Variants in DPF3 observed in about 807,000 individuals in gnomAD.
The protein encoded by DPF3 is zinc finger protein DPF3.
A neutral mutation model predicts 56.8 loss-of-function variants in DPF3; 18 were observed. The ratio of observed to expected loss-of-function variants is 0.32; its 90% CI spans 0.22 to 0.47. The LOEUF (loss-of-function observed/expected upper bound fraction) is 0.47. DPF3 is among the 20% of genes least tolerant of loss of function. DPF3 has a pLI of 1.00. For synonymous variants in DPF3, 188 were observed against 180.2 expected (o/e 1.04, Z -0.35); for missense variants, 403 against 488.8 (o/e 0.82, Z 1.65).
chr14:72,661,355 G>C, intron 8 of DPF3: 1 of 985,362 alleles, frequency 1.0e-6, no homozygotes, highest in Non-Finnish European at 1.2e-6. Context: ...CCTTTCAGAG[G>C]CCAAAGAGAT....
intron 7 of DPF3, among the ~76,000 whole-genome samples, chr14:72,677,489 C>T (rs1306329576): frequency 6.6e-6 from 1 of 152,104 alleles, no homozygotes; most frequent in African/African-American, 2.4e-5. Context: ...ACCATTATGA[C>T]CCTTGTTTAT....
chr14:72,665,322 G>A (rs770617011), intron 8 of DPF3, among the ~76,000 whole-genome samples: 2 of 152,160 alleles, frequency 1.3e-5, no homozygotes, highest in African/African-American at 2.4e-5. Flanking sequence ...GCAGTCACAC[G>A]CATACTGTTA....
At chr14:72,714,601 T>G (rs1888824618) in intron 5 of DPF3, 100 bp from the exon 6 acceptor site, 1 of 1,388,774 alleles carries the variant, frequency 7.2e-7, no homozygotes, top group African/African-American at 1.4e-5. Context: ...TCATCCCAAC[T>G]TTTGTGCCAA....
chr14:72,855,352 A>G (rs1412785823), intron 1 of DPF3, among the ~76,000 whole-genome samples: 1 of 152,250 alleles, frequency 6.6e-6, no homozygotes, highest in Non-Finnish European at 1.5e-5. Flanking sequence ...GAGATTTCAC[A>G]TGTACCATCT....
At position 72,869,908 on chromosome 14, in the gene DPF3, G is replaced by C. The variant is rs532844756; in HGVS notation, c.32+24149C>G. On this transcript the variant is annotated intron_variant, in intron 1 of 10. Transcript: ENST00000556509. The stretch of plus-strand genomic sequence containing the variant: ...TTTCCCTAGAGATGATGGGGGGTAG[G>C]GTGAGCAGGAAGATTCAGAGCAGTC... Among the ~76,000 whole-genome samples, 41 of 152,196 alleles carry C rather than the reference G, an allele frequency of 2.7e-4. No individual in the cohort carries two copies. In the East Asian group the frequency reaches 5.4e-3, roughly 20 times the overall value.
Position 72,659,679 on chromosome 14 carries a change from C to T in DPF3, c.871+14561G>A, listed in dbSNP as rs557270196. ...TAGAGAGTAAATTAGAGGGTGCAAT[C>T]GCTTCCCATGGAAGAAGATATTTTA... On this transcript the variant is annotated intron_variant, in intron 8 of 10. Coordinates refer to ENST00000556509, the MANE Select transcript of DPF3 (RefSeq NM_001280542.3). 2.0e-3 allele frequency among the ~76,000 whole-genome samples: 298 copies of T among 152,310 alleles called. 1 individual carries two copies. The highest frequency in any genetic ancestry group is 4.4e-3 in the Admixed American group (67 of 15,302).
chr14:72,755,965 G>A (rs930089520), intron 2 of DPF3, among the ~76,000 whole-genome samples: 3 of 152,290 alleles, frequency 2.0e-5, no homozygotes, highest in Admixed American at 6.5e-5. Flanking sequence ...CAGAACAGGA[G>A]GCAGATAACT....
intron 2 of DPF3, among the ~76,000 whole-genome samples, chr14:72,762,860 T>C (rs1013917757): frequency 3.3e-5 from 5 of 151,974 alleles, no homozygotes; most frequent in African/African-American, 9.7e-5. Context: ...ATCAACTATA[T>C]AGAAAATGCT....
Position 72,756,725 on chromosome 14 carries a change from T to C in DPF3, c.194-3354A>G, listed in dbSNP as rs550166920. The stretch of plus-strand genomic sequence containing the variant: ...TATTCGGGAGGCTGAGGCAGGAGAA[T>C]TGCTTGAACCCAGGAGGTGGAGGTT... On this transcript the variant is annotated intron_variant, in intron 2 of 10. Transcript: ENST00000556509. Among the ~76,000 whole-genome samples the C allele has an allele frequency of 2.4e-4, 37 of 151,156 alleles. No homozygotes were observed. In the East Asian group the frequency reaches 6.9e-3, roughly 28 times the overall value.
intron 3 of DPF3, among the ~76,000 whole-genome samples, chr14:72,739,152 G>A (rs1890023757): frequency 6.6e-6 from 1 of 151,670 alleles, no homozygotes; most frequent in African/African-American, 2.4e-5. Flanking sequence ...TGAGGTGGGA[G>A]AATCGCTTGA....
At chr14:72,723,823 ATTTTT>A in intron 4 of DPF3, 95 bp from the exon 5 acceptor site, 1 of 1,269,342 alleles carries the variant, frequency 7.9e-7, no homozygotes, top group Non-Finnish European at 1.1e-6. Context: ...ATTTGTTGTT[ATTTTT>A]TAACAAAGTG....
At chr14:72,756,476 C>T (rs959189042) in intron 2 of DPF3, among the ~76,000 whole-genome samples, 6 of 152,126 alleles carry the variant, frequency 3.9e-5, no homozygotes, top group African/African-American at 1.4e-4. Flanking sequence ...ACAGACAAAG[C>T]ATGAGCTATT....
At chr14:72,684,701 A>G (rs976015335) in intron 7 of DPF3, among the ~76,000 whole-genome samples, 1 of 152,186 alleles carries the variant, frequency 6.6e-6, no homozygotes, top group Admixed American at 6.5e-5. Context: ...GGGTCTCTAA[A>G]ACATCCCAAA....
intron 2 of DPF3, among the ~76,000 whole-genome samples, chr14:72,766,721 G>T (rs1891303553): frequency 6.6e-6 from 1 of 152,190 alleles, no homozygotes; most frequent in South Asian, 2.1e-4. Flanking sequence ...CAAAGTGCTG[G>T]GATTACAGGC....
intron 1 of DPF3, among the ~76,000 whole-genome samples, chr14:72,842,092 A>G (rs997369099): frequency 3.4e-5 from 5 of 148,240 alleles, no homozygotes; most frequent in African/African-American, 1.3e-4. Flanking sequence ...GTCTCTAAGA[A>G]AAAAAAAAAA....
chr14:72,775,729 A>G (rs8006812), intron 1 of DPF3, among the ~76,000 whole-genome samples: 6,151 of 152,266 alleles, frequency 0.04, 388 homozygotes, highest in African/African-American at 0.14. Context: ...TCTCCAGGGA[A>G]GTCCTTTTAA....
At chr14:72,718,872 A>T (rs1392929311) in intron 5 of DPF3, among the ~76,000 whole-genome samples, 1 of 142,854 alleles carries the variant, frequency 7.0e-6, no homozygotes, top group Non-Finnish European at 1.5e-5. Context: ...CCCGGGTTCA[A>T]GTGATTCTCC....
chr14:72,730,814 A>G (rs1889609322), intron 4 of DPF3, among the ~76,000 whole-genome samples: 3 of 152,186 alleles, frequency 2.0e-5, no homozygotes, highest in African/African-American at 7.2e-5. Flanking sequence ...TCATATTACA[A>G]TACTCAATGG....
intron 8 of DPF3, among the ~76,000 whole-genome samples, chr14:72,643,672 G>C (rs533382034): frequency 2.6e-5 from 4 of 152,308 alleles, no homozygotes; most frequent in African/African-American, 9.6e-5. Flanking sequence ...TGGGTGTCCA[G>C]GTCCTCCCTA....
Sources: allele counts gnomAD v4.1 joint callset (sites outside exome capture counted in the v4.1 genomes callset), GRCh38; gene constraint gnomAD v4.1.1; transcripts MANE v1.5; gene names NCBI Gene and HGNC (gene_info 2026-07-23, HGNC 2026-07-21).